The following WFDC3 variants were observed in gnomAD, a reference collection of about 807,000 sequenced individuals.
WFDC3 encodes the protein WAP four-disulfide core domain 3.
WFDC3 carries 15 observed loss-of-function variants against 25.8 expected under a neutral mutation model. The observed-to-expected ratio is 0.58, with a 90% CI of 0.39 to 0.89. The LOEUF is 0.89. WFDC3 is among the 40% of genes least tolerant of loss of function. The pLI is 0.00. For synonymous variants in WFDC3, 103 were observed against 107.1 expected (o/e 0.96, Z 0.24); for missense variants, 264 against 289.8 (o/e 0.91, Z 0.65).
At chr20:45,782,115 G>A (rs1349053023) in intron 4 of WFDC3, among the ~76,000 whole-genome samples, 1 of 152,142 alleles carries the variant, frequency 6.6e-6, no homozygotes, top group African/African-American at 2.4e-5. Context: ...GGAGGCCCAA[G>A]AAGACAACTG....
intron 4 of WFDC3, among the ~76,000 whole-genome samples, chr20:45,786,615 A>G (rs1980678799): frequency 6.6e-6 from 1 of 152,182 alleles, no homozygotes; most frequent in African/African-American, 2.4e-5. Context: ...TGGATCTCGC[A>G]AACAGTACAC....
At chr20:45,777,269 G>T in intron 4 of WFDC3, 60 bp from the exon 5 acceptor site, 2 of 1,382,570 alleles carry the variant, frequency 1.4e-6, no homozygotes, top group South Asian at 1.9e-5. Context: ...ATTTTTCATT[G>T]TGTCCCATGT....
chr20:45,785,085 A>C (rs1272029264), intron 4 of WFDC3, among the ~76,000 whole-genome samples: 2 of 152,228 alleles, frequency 1.3e-5, no homozygotes, highest in Non-Finnish European at 2.9e-5. Flanking sequence ...GAAGAAAATA[A>C]AATACCTAGG....
intron 1 of WFDC3, chr20:45,791,038 G>A (rs1223902066): frequency 4.4e-6 from 2 of 454,820 alleles, no homozygotes; most frequent in Non-Finnish European, 8.9e-6. Flanking sequence ...TAGTCCTATG[G>A]GCAGGTACAA....
At chr20:45,777,479 T>G (rs1014971675) in intron 4 of WFDC3, among the ~76,000 whole-genome samples, 1 of 152,056 alleles carries the variant, frequency 6.6e-6, no homozygotes, top group Non-Finnish European at 1.5e-5. Flanking sequence ...GCCTCCTGAG[T>G]GGCTAGAACT....
chr20:45,790,246 T>A (rs1233228237), intron 1 of WFDC3, among the ~76,000 whole-genome samples: 1 of 151,976 alleles, frequency 6.6e-6, no homozygotes, highest in African/African-American at 2.4e-5. Flanking sequence ...TCCTGGATGA[T>A]GAGAAACCTA....
At chr20:45,780,828 C>T (rs2081660171) in intron 4 of WFDC3, among the ~76,000 whole-genome samples, 1 of 152,166 alleles carries the variant, frequency 6.6e-6, no homozygotes, top group African/African-American at 2.4e-5. Flanking sequence ...AACAAACTTA[C>T]TCCCCTTCTC....
At chr20:45,791,102 T>C (rs189128888) in intron 1 of WFDC3, among the ~76,000 whole-genome samples, 244 of 151,300 alleles carry the variant, frequency 1.6e-3, no homozygotes, top group African/African-American at 5.4e-3. Context: ...GTCGCCCTTA[T>C]GGTTAGAAGG....
Position 45,790,591 on chromosome 20 carries a change from G to A in WFDC3, c.-7-609C>T, listed in dbSNP as rs151132608. Among the ~76,000 whole-genome samples the A allele has an allele frequency of 8.8e-3, 1,345 of 152,306 alleles. 22 individuals carry two copies. The highest frequency in any genetic ancestry group is 0.031 in the African/African-American group (1,282 of 41,566). ...AATACAAAAATCAGCTGGGCATGCTGGTGCATGCCTGTAATCCCAGCTACG... is the reference window on the plus strand; with the variant it reads ...AATACAAAAATCAGCTGGGCATGCTAGTGCATGCCTGTAATCCCAGCTACG... On this transcript the variant is annotated intron_variant, in intron 1 of 6. Transcript: ENST00000243938.
intron 2 of WFDC3, 149 bp from the exon 3 acceptor site, chr20:45,789,208 A>T: frequency 2.2e-6 from 2 of 903,936 alleles, no homozygotes; most frequent in Non-Finnish European, 3.0e-6. Flanking sequence ...TGTCTCTTAA[A>T]AAAAAAAAAA....
rs1262664612 is a variant in WFDC3, at chr20:45,777,218, T to G, written c.359-9A>C. ...TTCACCACCAAACTCTGCTACATAATCAAAGCATTGGAGCCCAGAGACGCT... is the reference window on the plus strand; with the variant it reads ...TTCACCACCAAACTCTGCTACATAAGCAAAGCATTGGAGCCCAGAGACGCT... On this transcript the variant is annotated splice_polypyrimidine_tract_variant and intron_variant, in intron 4 of 6. Coordinates refer to ENST00000243938, the MANE Select transcript of WFDC3 (RefSeq NM_080614.2). 1.3e-6 allele frequency: 2 copies of G among 1,520,310 alleles called. No homozygotes were observed. Among genetic ancestry groups the G allele is most frequent in the African/African-American group, 2.8e-5 (2 of 71,032 alleles). The allele number at this position is 1,520,310 out of a possible 1,614,324, so 94.2% of individuals were successfully genotyped here.
In WFDC3 at chr20:45,789,879, C is replaced by A. The variant is rs1156391446; in HGVS notation, c.82+15G>T. The stretch of plus-strand genomic sequence containing the variant: ...TTCTGTTACTGTTGGCCAGGGATCC[C>A]AAATGATAGCTCACCATGTTCTCCT... On this transcript the variant is annotated intron_variant, in intron 2 of 6. Coordinates refer to ENST00000243938, the MANE Select transcript of WFDC3 (RefSeq NM_080614.2). The A allele has an allele frequency of 6.2e-7, 1 of 1,612,274 alleles. No individual in the cohort carries two copies. Among genetic ancestry groups the A allele is most frequent in the South Asian group, 1.1e-5 (1 of 91,034 alleles).
intron 3 of WFDC3, chr20:45,788,705 G>C (rs1222720006): frequency 2.1e-6 from 1 of 471,210 alleles, no homozygotes; most frequent in East Asian, 4.0e-5. Context: ...TGAGTCCAAA[G>C]TAAAAGACAT....
intron 6 of WFDC3, 149 bp from the exon 7 acceptor site, chr20:45,774,593 T>G: frequency 9.9e-7 from 1 of 1,005,826 alleles, no homozygotes; most frequent in Non-Finnish European, 1.5e-6. Context: ...CAATCCAAAC[T>G]GGCACTGAAG....
chr20:45,774,585 A>G (rs1398614034), intron 6 of WFDC3, 141 bp from the exon 7 acceptor site: 3 of 1,076,278 alleles, frequency 2.8e-6, no homozygotes, highest in South Asian at 2.8e-5. Flanking sequence ...AGACAATCCA[A>G]TCCAAACTGG....
chr20:45,777,318 A>C lies in WFDC3; in HGVS notation c.359-109T>G, dbSNP rs377284475. The C allele has an allele frequency of 7.3e-5, 81 of 1,117,172 alleles. 1 individual carries two copies. The South Asian group carries it at 3.2e-3, about 44-fold the overall frequency. The allele number at this position is 1,117,172 out of a possible 1,614,324, so 69.2% of individuals were successfully genotyped here. On this transcript the variant is annotated intron_variant, in intron 4 of 6. Coordinates refer to ENST00000243938, the MANE Select transcript of WFDC3 (RefSeq NM_080614.2). ...TAGTTATATATTTATATACATATAT[A>C]ATGTAAATATTTATGTGTATCATGT... is the stretch of plus-strand genomic sequence containing the variant.
At chr20:45,788,079 G>A in intron 3 of WFDC3, 97 bp from the exon 4 acceptor site, 2 of 1,361,714 alleles carry the variant, frequency 1.5e-6, no homozygotes, top group Non-Finnish European at 9.8e-7. Flanking sequence ...CAAGGCGGGT[G>A]GATCACCTGA....
chr20:45,780,791 C>G (rs1980407318), intron 4 of WFDC3, among the ~76,000 whole-genome samples: 1 of 152,192 alleles, frequency 6.6e-6, no homozygotes, highest in Non-Finnish European at 1.5e-5. Flanking sequence ...TTCAGCACTT[C>G]TTAACCCAAG....
chr20:45,778,108 A>G (rs748565081), intron 4 of WFDC3, among the ~76,000 whole-genome samples: 1 of 152,192 alleles, frequency 6.6e-6, no homozygotes, highest in Non-Finnish European at 1.5e-5. Context: ...GATAAGCACT[A>G]GCATACTGGG....
Sources: gnomAD v4.1 joint callset for allele counts (sites outside exome capture counted in the v4.1 genomes callset) on GRCh38, gnomAD v4.1.1 for gene constraint, MANE v1.5 for transcripts, NCBI Gene and HGNC (gene_info 2026-07-23, HGNC 2026-07-21) for gene names.